SLC1A1: variants seen among roughly 807,000 people sequenced by gnomAD.
The protein encoded by SLC1A1 is excitatory amino acid transporter 3.
Under a neutral mutation model 53.3 loss-of-function variants are expected in SLC1A1, and 43 were observed. The observed-to-expected ratio is 0.81, with a 90% CI of 0.63 to 1.04. SLC1A1 has a LOEUF of 1.04. Ranked by LOEUF, SLC1A1 falls within the 50% of genes least tolerant of loss-of-function variation. The pLI is 0.00. For missense variants in SLC1A1, 748 were observed against 664.9 expected, an observed-to-expected ratio of 1.12 and a Z score of -1.37; for synonymous variants, 307 against 243.2, an observed-to-expected ratio of 1.26 and a Z score of -2.44.
intron 1 of SLC1A1, among the ~76,000 whole-genome samples, chr9:4,507,995 T>C (rs1241026962): frequency 6.6e-6 from 1 of 151,926 alleles, no homozygotes; most frequent in African/African-American, 2.4e-5. Flanking sequence ...GAGGAAAAGG[T>C]GTACCCTTCA....
In SLC1A1 at chr9:4,580,651, G is replaced by GTGTGTGTGTGTGTGTGTGTA. The variant is rs370378540; in HGVS notation, c.1194-2386_1194-2385insGTGTGTGTGTGTGTGTGTAT. On this transcript the variant is annotated intron_variant, in intron 10 of 11. Coordinates refer to ENST00000262352, the MANE Select transcript of SLC1A1 (RefSeq NM_004170.6). Reference sequence around the variant, plus strand: ...TGTGTGTGTGTGTGTGTGTGTGTGTGTATAAGGAATAAAGAAGAAAGACAA... The same window carrying GTGTGTGTGTGTGTGTGTGTA: ...TGTGTGTGTGTGTGTGTGTGTGTGTGTGTGTGTGTGTGTGTGTGTATATAAGGAATAAAGAAGAAAGACAA... Among the ~76,000 whole-genome samples the GTGTGTGTGTGTGTGTGTGTA allele has an allele frequency of 7.4e-4, 88 of 118,828 alleles. 4 individuals are homozygous for GTGTGTGTGTGTGTGTGTGTA. The highest frequency in any genetic ancestry group is 1.1e-3 in the Non-Finnish European group (65 of 61,226). 78.0% of individuals were successfully genotyped at this position (118,828 alleles called of 152,430 possible). A position where few individuals can be genotyped will look rare whatever the true frequency, so the allele number is the denominator to read the frequency against.
chr9:4,495,359 C>T (rs1454398757), intron 1 of SLC1A1, among the ~76,000 whole-genome samples: 2 of 152,136 alleles, frequency 1.3e-5, no homozygotes, highest in Admixed American at 6.6e-5. Flanking sequence ...GTTCTACAGC[C>T]GGGTCACACA....
intron 1 of SLC1A1, among the ~76,000 whole-genome samples, chr9:4,493,311 T>C (rs1820301214): frequency 6.6e-6 from 1 of 152,220 alleles, no homozygotes; most frequent in African/African-American, 2.4e-5. Flanking sequence ...TTCAGAGTAC[T>C]GGGCCTGAGT....
intron 1 of SLC1A1, among the ~76,000 whole-genome samples, chr9:4,529,941 A>G (rs1816404995): frequency 6.6e-6 from 1 of 152,198 alleles, no homozygotes; most frequent in African/African-American, 2.4e-5. Flanking sequence ...CTTGAATGCT[A>G]CCAGGTGATA....
At position 4,580,446 on chromosome 9, in the gene SLC1A1, T is replaced by C. The variant is rs553824944; in HGVS notation, c.1194-2592T>C. ...AAATACAAAAATTAGCCAGGTGTTATGGAGTGCATCTGTGGTCTCAGCTAC... is the reference window on the plus strand; with the variant it reads ...AAATACAAAAATTAGCCAGGTGTTACGGAGTGCATCTGTGGTCTCAGCTAC... On this transcript the variant is annotated intron_variant, in intron 10 of 11. Transcript: ENST00000262352. Among the ~76,000 whole-genome samples, 5 of 152,020 alleles carry C rather than the reference T, an allele frequency of 3.3e-5. No individual in the cohort carries two copies. In the South Asian group the frequency reaches 6.2e-4, roughly 19 times the overall value.
At chr9:4,546,662 C>A (rs887040882) in intron 2 of SLC1A1, among the ~76,000 whole-genome samples, 5 of 152,156 alleles carry the variant, frequency 3.3e-5, no homozygotes, top group Non-Finnish European at 5.9e-5. Context: ...ATCAAAGATT[C>A]TTTAAAAAAA....
chr9:4,547,837 T>C (rs947356541), intron 2 of SLC1A1, among the ~76,000 whole-genome samples: 1 of 152,136 alleles, frequency 6.6e-6, no homozygotes, highest in Admixed American at 6.5e-5. Context: ...CAAATTTTCA[T>C]ACTAAGCAAC....
intron 1 of SLC1A1, among the ~76,000 whole-genome samples, chr9:4,512,398 C>T (rs1465745003): frequency 6.6e-6 from 1 of 151,956 alleles, no homozygotes; most frequent in Non-Finnish European, 1.5e-5. Context: ...GTCCCAGCTA[C>T]TTGGTAGGCT....
chr9:4,505,045 C>CTTTTTTTTTTTTTT (rs3038189), intron 1 of SLC1A1, among the ~76,000 whole-genome samples: 9 of 114,998 alleles, frequency 7.8e-5, no homozygotes, highest in Non-Finnish European at 1.4e-4. Flanking sequence ...ACATATATTT[C>CTTTTTTTTTTTTTT]TTTTTTTTTT....
chr9:4,511,304 T>C (rs1428604631), intron 1 of SLC1A1, among the ~76,000 whole-genome samples: 1 of 152,128 alleles, frequency 6.6e-6, no homozygotes, highest in East Asian at 1.9e-4. Flanking sequence ...ACCTCCTGGC[T>C]CATGAATGAT....
chr9:4,565,740 A>G (rs1280954867), intron 4 of SLC1A1, among the ~76,000 whole-genome samples: 2 of 152,174 alleles, frequency 1.3e-5, no homozygotes, highest in African/African-American at 4.8e-5. Context: ...TGATGAAAAC[A>G]GAAGTGTTCA....
chr9:4,508,263 G>C (rs556348246), intron 1 of SLC1A1, among the ~76,000 whole-genome samples: 1 of 152,266 alleles, frequency 6.6e-6, no homozygotes, highest in African/African-American at 2.4e-5. Context: ...GAAAATGCAA[G>C]ACTTTGGAAT....
At chr9:4,492,417 G>A (rs1452261135) in intron 1 of SLC1A1, among the ~76,000 whole-genome samples, 2 of 150,646 alleles carry the variant, frequency 1.3e-5, no homozygotes, top group East Asian at 1.9e-4. Context: ...AGAAGGCAGA[G>A]GTTGAAGTCA....
intron 2 of SLC1A1, 137 bp downstream of exon 2, chr9:4,544,844 A>T: frequency 1.3e-6 from 1 of 772,690 alleles, no homozygotes; most frequent in South Asian, 1.7e-5. Context: ...GGTCTCAGGA[A>T]ACTCACAATC....
chr9:4,538,096 T>C (rs1816745215), intron 1 of SLC1A1, among the ~76,000 whole-genome samples: 1 of 152,194 alleles, frequency 6.6e-6, no homozygotes, highest in Admixed American at 6.5e-5. Flanking sequence ...GTTTAGTATA[T>C]CTGAGACAGG....
intron 8 of SLC1A1, among the ~76,000 whole-genome samples, chr9:4,574,281 TACA>T (rs139726077): frequency 0.018 from 2,750 of 152,310 alleles, 41 homozygotes; most frequent in Middle Eastern, 0.051. Context: ...AATAATTTTT[TACA>T]ACAAGAGAGA....
At chr9:4,503,609 G>A (rs1054192361) in intron 1 of SLC1A1, among the ~76,000 whole-genome samples, 1 of 151,834 alleles carries the variant, frequency 6.6e-6, no homozygotes, top group African/African-American at 2.4e-5. Flanking sequence ...GAACGAGCAA[G>A]TCTGTATAAA....
At chr9:4,529,881 C>T (rs1479657318) in intron 1 of SLC1A1, among the ~76,000 whole-genome samples, 2 of 152,040 alleles carry the variant, frequency 1.3e-5, no homozygotes, top group Non-Finnish European at 2.9e-5. Context: ...TGCTCATGGC[C>T]CATGGGCCTA....
intron 1 of SLC1A1, among the ~76,000 whole-genome samples, chr9:4,524,610 A>T (rs780750140): frequency 3.9e-5 from 6 of 152,216 alleles, no homozygotes; most frequent in Non-Finnish European, 7.3e-5. Flanking sequence ...TAAGTTGGGA[A>T]GTTCAAGGGC....
Sources: allele counts gnomAD v4.1 joint callset (sites outside exome capture counted in the v4.1 genomes callset), GRCh38; gene constraint gnomAD v4.1.1; transcripts MANE v1.5; gene names NCBI Gene and HGNC (gene_info 2026-07-23, HGNC 2026-07-21).